Variants in TCERG1L observed in about 807,000 individuals in gnomAD.
TCERG1L encodes transcription elongation regulator 1-like protein.
TCERG1L carries 37 observed loss-of-function variants against 56.3 expected under a neutral mutation model. The ratio of observed to expected loss-of-function variants is 0.66; its 90% CI spans 0.51 to 0.87. The LOEUF (loss-of-function observed/expected upper bound fraction) is 0.87. Ranked by LOEUF, TCERG1L falls within the 40% of genes least tolerant of loss-of-function variation. The pLI is 0.00. For missense variants in TCERG1L, 799 were observed against 774.2 expected (o/e 1.03, Z -0.38); for synonymous variants, 324 against 326.3 (o/e 0.99, Z 0.08).
chr10:131,152,464 G>C (rs1476313138), intron 6 of TCERG1L, among the ~76,000 whole-genome samples: 1 of 152,172 alleles, frequency 6.6e-6, no homozygotes, highest in Non-Finnish European at 1.5e-5. Flanking sequence ...CACTGTCTAT[G>C]TTTTGGTCAA....
chr10:131,262,520 C>T (rs1289864012), intron 3 of TCERG1L, among the ~76,000 whole-genome samples: 2 of 152,140 alleles, frequency 1.3e-5, no homozygotes, highest in East Asian at 3.8e-4. Context: ...TATAGAGCAG[C>T]TTTAGGTTTA....
intron 7 of TCERG1L, among the ~76,000 whole-genome samples, chr10:131,145,097 A>C (rs1396576967): frequency 6.6e-6 from 1 of 152,256 alleles, no homozygotes; most frequent in African/African-American, 2.4e-5. Context: ...ACAAGAACGC[A>C]AGCTAAAGAA....
At chr10:131,156,767 T>C (rs1284098549) in intron 6 of TCERG1L, among the ~76,000 whole-genome samples, 1 of 152,074 alleles carries the variant, frequency 6.6e-6, no homozygotes, top group Non-Finnish European at 1.5e-5. Context: ...ACATACCCCC[T>C]GCTTGCTCAA....
intron 4 of TCERG1L, among the ~76,000 whole-genome samples, chr10:131,213,157 TG>T (rs1845634585): frequency 6.6e-6 from 1 of 152,206 alleles, no homozygotes; most frequent in Admixed American, 6.5e-5. Context: ...AGAGGCTATG[TG>T]GGGCCTCCCT....
rs1456183465 is a variant in TCERG1L at position 131,260,333 on chromosome 10, G to A, written c.782C>T (p.Pro261Leu). ...GAAGTGGCGCGGCTGCACGCTGGAG[G>A]GGGACGGGCCCCGGAGGTTCTCAGG... is the stretch of plus-strand genomic sequence containing the variant. ...VDPENLRGPS[P>L]SSVQPRHFLT... The change falls in exon 4 of 12, where the codon CCC (proline) becomes CTC (leucine). Residue 261 changes from proline (P) to leucine (L), a missense_variant. By Grantham distance (98) the Pro-to-Leu change is moderately conservative. Coordinates refer to ENST00000368642, the MANE Select transcript of TCERG1L (RefSeq NM_174937.4). The surrounding 1 kb of genome is among the most constrained non-coding windows in gnomAD (Gnocchi z 5.8). 2 of 1,472,312 alleles carry A rather than the reference G, an allele frequency of 1.4e-6. No individual in the cohort carries two copies. The highest frequency in any genetic ancestry group is 2.7e-5 in the East Asian group (1 of 36,524). The allele number at this position is 1,472,312 out of a possible 1,614,324, so 91.2% of individuals were successfully genotyped here.
chr10:131,253,664 A>G (rs1846136280), intron 4 of TCERG1L, among the ~76,000 whole-genome samples: 1 of 152,092 alleles, frequency 6.6e-6, no homozygotes, highest in Non-Finnish European at 1.5e-5. Flanking sequence ...AGGTCTGCGG[A>G]GTAGGGCAGC....
At chr10:131,167,750 C>T (rs1846047689) in intron 4 of TCERG1L, among the ~76,000 whole-genome samples, 1 of 152,208 alleles carries the variant, frequency 6.6e-6, no homozygotes, top group Admixed American at 6.5e-5. Flanking sequence ...GCCGGACCCA[C>T]AGCACTTGGA....
At chr10:131,249,370 C>T (rs986595753) in intron 4 of TCERG1L, among the ~76,000 whole-genome samples, 25 of 152,138 alleles carry the variant, frequency 1.6e-4, no homozygotes, top group African/African-American at 4.8e-4. Flanking sequence ...TGGCTCCACC[C>T]GGGTCCCCAG....
At chr10:131,098,542 T>A (rs886169109) in intron 10 of TCERG1L, 118 bp from the exon 11 acceptor site, 8 of 1,287,002 alleles carry the variant, frequency 6.2e-6, no homozygotes, top group Non-Finnish European at 8.3e-6. Context: ...TGTTCTTGTT[T>A]ACAGCTGCTG....
At chr10:131,142,919 A>C (rs1449054462) in intron 7 of TCERG1L, among the ~76,000 whole-genome samples, 9 of 152,178 alleles carry the variant, frequency 5.9e-5, no homozygotes, top group African/African-American at 2.2e-4. Flanking sequence ...CCTGTCATCC[A>C]GGTGGCCCCA....
Position 131,311,030 on chromosome 10 carries a change from G to A in TCERG1L, c.342+264C>T, listed in dbSNP as rs1846886071. On this transcript the variant is annotated intron_variant, in intron 1 of 11. Transcript: ENST00000368642. The surrounding 1 kb of genome is among the most constrained non-coding windows in gnomAD (Gnocchi z 4.0). ...GGCGCGAGTTCCCTGCGGTCCCCAC[G>A]CGGGCCTGGGCGGCGGGTCCCTCCA... 1.3e-5 allele frequency among the ~76,000 whole-genome samples: 2 copies of A among 152,194 alleles called. No homozygotes were observed. The highest frequency in any genetic ancestry group is 6.5e-5 in the Admixed American group (1 of 15,286).
At chr10:131,174,702 T>C (rs1846129029) in intron 4 of TCERG1L, among the ~76,000 whole-genome samples, 1 of 152,188 alleles carries the variant, frequency 6.6e-6, no homozygotes, top group Non-Finnish European at 1.5e-5. Context: ...GAATTAATTT[T>C]CCACCCATTT....
In TCERG1L at chr10:131,191,864, C is replaced by CAAA. The variant is rs59816491; in HGVS notation, c.857-24982_857-24980dup. 9.8e-3 allele frequency among the ~76,000 whole-genome samples: 282 copies of CAAA among 28,672 alleles called. 33 individuals are homozygous for CAAA. The highest frequency in any genetic ancestry group is 0.018 in the East Asian group (19 of 1,034). The allele number at this position is 28,672 out of a possible 152,430, so 18.8% of individuals were successfully genotyped here. A position where few individuals can be genotyped will look rare whatever the true frequency, so the allele number is the denominator to read the frequency against. ...TGGGGGACAGAGCAAGACTCCGTCT[C>CAAA]AAAAAAAAAAAAAAAAAAAAAAAAA... On this transcript the variant is annotated intron_variant, in intron 4 of 11. Coordinates refer to ENST00000368642, the MANE Select transcript of TCERG1L (RefSeq NM_174937.4).
chr10:131,257,330 C>T (rs1331301872), intron 4 of TCERG1L, among the ~76,000 whole-genome samples: 2 of 152,192 alleles, frequency 1.3e-5, no homozygotes, highest in Non-Finnish European at 2.9e-5. Context: ...CCTTCCCGCC[C>T]GTGCTGACAC....
At chr10:131,212,267 T>G (rs1845627890) in intron 4 of TCERG1L, among the ~76,000 whole-genome samples, 1 of 152,194 alleles carries the variant, frequency 6.6e-6, no homozygotes, top group Middle Eastern at 3.2e-3. Context: ...CATGCAGAGT[T>G]GATTCTGCAA....
At chr10:131,230,396 C>T (rs767166726) in intron 4 of TCERG1L, among the ~76,000 whole-genome samples, 38 of 152,232 alleles carry the variant, frequency 2.5e-4, no homozygotes, top group African/African-American at 8.2e-4. Context: ...CACGTGCAGG[C>T]CCCTTGCTGC....
chr10:131,153,595 T>G (rs779506751), intron 6 of TCERG1L, among the ~76,000 whole-genome samples: 1 of 152,202 alleles, frequency 6.6e-6, no homozygotes, highest in Non-Finnish European at 1.5e-5. Context: ...GGATTTATAT[T>G]CAGCCAAATT....
chr10:131,181,792 C>T (rs1438243395), intron 4 of TCERG1L, among the ~76,000 whole-genome samples: 2 of 152,368 alleles, frequency 1.3e-5, no homozygotes, highest in South Asian at 2.1e-4. Context: ...TGCACTTGTT[C>T]ATCCAGCGGG....
At chr10:131,287,678 A>C (rs1846560795) in intron 3 of TCERG1L, among the ~76,000 whole-genome samples, 1 of 152,178 alleles carries the variant, frequency 6.6e-6, no homozygotes, top group Admixed American at 6.5e-5. Flanking sequence ...GAGCGGGCTT[A>C]CTCAGGGAGC....
Sources: allele counts gnomAD v4.1 joint callset (sites outside exome capture counted in the v4.1 genomes callset), GRCh38; gene constraint gnomAD v4.1.1; non-coding constraint Gnocchi (gnomAD v3.1); transcripts MANE v1.5; gene names NCBI Gene and HGNC (gene_info 2026-07-23, HGNC 2026-07-21).